The following RNLS variants were observed in gnomAD, a reference collection of about 807,000 sequenced individuals.
RNLS encodes the protein renalase, FAD dependent amine oxidase, also known as renalase.
In RNLS, 39 loss-of-function variants were observed where a neutral mutation model predicts 39.8. The ratio of observed to expected loss-of-function variants is 0.98; its 90% CI spans 0.76 to 1.28. The LOEUF (loss-of-function observed/expected upper bound fraction) is 1.28, where lower values mean the gene tolerates loss of function less well. RNLS is among the 50% of genes most tolerant of loss of function. RNLS has a pLI of 0.00. For synonymous variants in RNLS, 147 were observed against 150.7 expected (o/e 0.98, Z 0.18); for missense variants, 410 against 413.3 (o/e 0.99, Z 0.07).
chr10:88,356,932 C>T (rs941983942), intron 5 of RNLS, among the ~76,000 whole-genome samples: 1 of 152,178 alleles, frequency 6.6e-6, no homozygotes, highest in Non-Finnish European at 1.5e-5. Context: ...CAGATGGTGA[C>T]AAGGAAAGAA....
intron 4 of RNLS, among the ~76,000 whole-genome samples, chr10:88,437,013 T>G (rs76167451): frequency 6.6e-6 from 1 of 152,188 alleles, no homozygotes; most frequent in Non-Finnish European, 1.5e-5. Flanking sequence ...ATAGAGGTGA[T>G]GCTTACAGCA....
chr10:88,226,910 TA>T, the RNLS span, among the ~76,000 whole-genome samples: 1 of 152,142 alleles, frequency 6.6e-6, no homozygotes, highest in Non-Finnish European at 1.5e-5. Flanking sequence ...AAAGATACTT[TA>T]AAAATCTGTC....
intron 4 of RNLS, among the ~76,000 whole-genome samples, chr10:88,379,169 T>C (rs1220549482): frequency 6.6e-6 from 1 of 152,222 alleles, no homozygotes; most frequent in African/African-American, 2.4e-5. Context: ...ACTAGTGTCA[T>C]TAACTGGAAT....
At chr10:88,243,858 A>G in the RNLS span, among the ~76,000 whole-genome samples, 1 of 152,216 alleles carries the variant, frequency 6.6e-6, no homozygotes, top group Non-Finnish European at 1.5e-5. Context: ...CTTGGCAGCT[A>G]TGTACACATT....
chr10:88,479,492 A>C (rs1564833774), intron 4 of RNLS, among the ~76,000 whole-genome samples: 2 of 152,210 alleles, frequency 1.3e-5, no homozygotes, highest in African/African-American at 4.8e-5. Flanking sequence ...AAGTTAAATA[A>C]GACAACCCAT....
At chr10:88,333,175 C>T (rs748338282) in intron 5 of RNLS, among the ~76,000 whole-genome samples, 20 of 151,990 alleles carry the variant, frequency 1.3e-4, no homozygotes, top group Non-Finnish European at 2.4e-4. Context: ...AAATGCCTGG[C>T]TTAAATAAAA....
At chr10:88,223,450 T>C in the RNLS span, among the ~76,000 whole-genome samples, 1 of 152,128 alleles carries the variant, frequency 6.6e-6, no homozygotes, top group East Asian at 1.9e-4. Flanking sequence ...GAACAGCATA[T>C]AATGCTTAAT....
chr10:88,466,131 T>A (rs1400183499), intron 4 of RNLS, among the ~76,000 whole-genome samples: 1 of 152,000 alleles, frequency 6.6e-6, no homozygotes, highest in East Asian at 1.9e-4. Flanking sequence ...CAGGGAGAGA[T>A]ATTAGGTGAC....
At chr10:88,190,229 A>T in the RNLS span, among the ~76,000 whole-genome samples, 1 of 152,242 alleles carries the variant, frequency 6.6e-6, no homozygotes, top group Non-Finnish European at 1.5e-5. Flanking sequence ...TGTGATGCAG[A>T]GGAACTGCTT....
the RNLS span, among the ~76,000 whole-genome samples, chr10:88,255,730 T>C: frequency 2.6e-5 from 4 of 152,330 alleles, no homozygotes; most frequent in East Asian, 1.9e-4. Context: ...ATTTTGGGAA[T>C]TGATAGAATT....
chr10:88,475,814 T>G (rs1041302153), intron 4 of RNLS, among the ~76,000 whole-genome samples: 6 of 152,062 alleles, frequency 3.9e-5, no homozygotes, highest in African/African-American at 1.4e-4. Flanking sequence ...ATAGTAACAT[T>G]GATTACAATG....
At chr10:88,439,647 C>T (rs1415213355) in intron 4 of RNLS, among the ~76,000 whole-genome samples, 2 of 152,102 alleles carry the variant, frequency 1.3e-5, no homozygotes, top group Non-Finnish European at 2.9e-5. Flanking sequence ...TTGGAAGATC[C>T]CTTACAGGTG....
At chr10:88,473,462 C>T (rs550321166) in intron 4 of RNLS, among the ~76,000 whole-genome samples, 97 of 152,068 alleles carry the variant, frequency 6.4e-4, no homozygotes, top group Middle Eastern at 3.4e-3. Flanking sequence ...GGCACACAGG[C>T]CTTGATGTTA....
the RNLS span, among the ~76,000 whole-genome samples, chr10:88,250,506 C>T: frequency 2.6e-5 from 4 of 152,136 alleles, no homozygotes; most frequent in Admixed American, 6.5e-5. Context: ...CTGTGGGGAG[C>T]ATTTACCATG....
chr10:88,188,643 C>G, the RNLS span, among the ~76,000 whole-genome samples: 11 of 152,162 alleles, frequency 7.2e-5, no homozygotes, highest in Non-Finnish European at 1.5e-4. Flanking sequence ...TGTATAAACA[C>G]TAATTTGTAT....
chr10:88,478,724 C>A (rs904950947), intron 4 of RNLS, among the ~76,000 whole-genome samples: 1 of 152,150 alleles, frequency 6.6e-6, no homozygotes, highest in Non-Finnish European at 1.5e-5. Flanking sequence ...ATACTCTGTA[C>A]CATTTTCTGG....
chr10:88,366,895 A>G (rs1390028109), intron 4 of RNLS, among the ~76,000 whole-genome samples: 1 of 151,496 alleles, frequency 6.6e-6, no homozygotes, highest in African/African-American at 2.4e-5. Context: ...GGAGCTCTCT[A>G]TTAAACCAAT....
At chr10:88,392,278 A>G (rs1458912703) in intron 4 of RNLS, among the ~76,000 whole-genome samples, 1 of 152,214 alleles carries the variant, frequency 6.6e-6, no homozygotes, top group Non-Finnish European at 1.5e-5. Context: ...AAAAGCACAG[A>G]CATAATGCTG....
chr10:88,266,723 ACACACACACACACCC>A, the RNLS span, among the ~76,000 whole-genome samples: 2 of 150,758 alleles, frequency 1.3e-5, no homozygotes, highest in Non-Finnish European at 3.0e-5. Context: ...ACACACACAC[ACACACACACACACCC>A]CACACACACC....
Sources: allele counts gnomAD v4.1 joint callset (sites outside exome capture counted in the v4.1 genomes callset), GRCh38; gene constraint gnomAD v4.1.1; transcripts MANE v1.5; gene names NCBI Gene and HGNC (gene_info 2026-07-23, HGNC 2026-07-21).